The following ANKRD18A variants were observed in gnomAD, a reference collection of about 807,000 sequenced individuals.
The protein encoded by ANKRD18A is ankyrin repeat domain-containing protein 18A.
In ANKRD18A, 72 loss-of-function variants were observed where a neutral mutation model predicts 110.6. The observed-to-expected ratio is 0.65, with a 90% CI of 0.54 to 0.79. The LOEUF (loss-of-function observed/expected upper bound fraction) is 0.79, where lower values mean the gene tolerates loss of function less well. ANKRD18A is among the 30% of genes least tolerant of loss of function. The pLI is 0.00. For synonymous variants in ANKRD18A, 305 were observed against 410.3 expected (o/e 0.74, Z 3.10); for missense variants, 934 against 1,163.3 (o/e 0.80, Z 2.87).
chr9:38,612,014 A>G (rs1825641763), intron 3 of ANKRD18A, among the ~76,000 whole-genome samples: 1 of 152,190 alleles, frequency 6.6e-6, no homozygotes, highest in South Asian at 2.1e-4. Context: ...GGGTGGCACA[A>G]ACTTGCTTGA....
chr9:38,595,795 C>T lies in ANKRD18A; in HGVS notation c.1545G>A (p.Gln515=), dbSNP rs766268966. 5.8e-6 allele frequency: 9 copies of T among 1,551,082 alleles called. No individual in the cohort carries two copies. The Middle Eastern group carries it at 1.0e-3, about 173-fold the overall frequency. Residue 515 remains glutamine, a synonymous_variant, in exon 9 of 16, where the codon CAG becomes CAA. Coordinates refer to ENST00000399703, the MANE Select transcript of ANKRD18A (RefSeq NM_147195.4). The part of the protein sequence containing the change: ...GSVQLDLRQA[Q]HRIKEMKQMH... ...TCTGCTTCATTTCCTTTATTCGATG[C>T]TGTGCTTGCCTTAGGTCCAGCTGTA...
At chr9:38,609,437 C>T (rs146622699) in intron 5 of ANKRD18A, among the ~76,000 whole-genome samples, 2 of 151,960 alleles carry the variant, frequency 1.3e-5, no homozygotes, top group Admixed American at 6.5e-5. Context: ...GCCAAGATTG[C>T]GCCACTGCAC....
At chr9:38,569,691 T>G (rs1404991212), downstream of ANKRD18A, among the ~76,000 whole-genome samples, 1 of 152,118 alleles carries the variant, frequency 6.6e-6, no homozygotes, top group Non-Finnish European at 1.5e-5. Context: ...TTGTTTGTCT[T>G]GCTTCTCTGG....
chr9:38,590,400 G>T (rs935811501), intron 10 of ANKRD18A, among the ~76,000 whole-genome samples: 19 of 151,896 alleles, frequency 1.3e-4, no homozygotes, highest in African/African-American at 3.9e-4. Flanking sequence ...TGGGGCTACA[G>T]TTGCACACCA....
chr9:38,589,960 C>T (rs2066768136), intron 10 of ANKRD18A, among the ~76,000 whole-genome samples: 1 of 152,184 alleles, frequency 6.6e-6, no homozygotes, highest in Non-Finnish European at 1.5e-5. Flanking sequence ...ATATTATAGA[C>T]AATATTCTCA....
intron 15 of ANKRD18A, chr9:38,573,257 A>C (rs1024653931): frequency 4.0e-5 from 18 of 444,908 alleles, no homozygotes; most frequent in African/African-American, 3.4e-4. Flanking sequence ...AGTTTGCTTA[A>C]ATAGAAAATT....
intron 6 of ANKRD18A, among the ~76,000 whole-genome samples, chr9:38,603,644 AAAAG>A (rs1231211858): frequency 5.3e-5 from 8 of 151,996 alleles, no homozygotes; most frequent in Non-Finnish European, 7.4e-5. Flanking sequence ...TCGTTCTTGA[AAAAG>A]AGAGAGAGAG....
rs944413340 is a variant in ANKRD18A, at chr9:38,614,232, T to G, written c.495+1362A>C. ...TCGAACACTGAGGTTTTTTTTTTTT[T>G]TTTTTTTTTTTGCTCTTGTTGTGGT... On this transcript the variant is annotated intron_variant, in intron 3 of 15. Transcript: ENST00000399703. Among the ~76,000 whole-genome samples, 12 of 145,942 alleles carry G rather than the reference T, an allele frequency of 8.2e-5. No individual in the cohort carries two copies. In the East Asian group the frequency reaches 2.2e-3, roughly 26 times the overall value.
At chr9:38,614,686 T>C (rs1339460491) in intron 3 of ANKRD18A, among the ~76,000 whole-genome samples, 2 of 152,152 alleles carry the variant, frequency 1.3e-5, no homozygotes, top group Admixed American at 6.5e-5. Flanking sequence ...GATAGAGTTA[T>C]GTATTAAAAT....
At chr9:38,613,106 G>A (rs1157385693) in intron 3 of ANKRD18A, among the ~76,000 whole-genome samples, 1 of 152,036 alleles carries the variant, frequency 6.6e-6, no homozygotes, top group Admixed American at 6.6e-5. Flanking sequence ...TAAAAAAGGA[G>A]TTAAAGCTCA....
chr9:38,611,033 T>C (rs540332410), intron 4 of ANKRD18A, among the ~76,000 whole-genome samples, 182 bp downstream of exon 4: 36 of 152,332 alleles, frequency 2.4e-4, no homozygotes, highest in African/African-American at 8.2e-4. Context: ...TACTATATAC[T>C]GTTTTTTGTG....
chr9:38,589,998 G>A (rs546323875), intron 10 of ANKRD18A, among the ~76,000 whole-genome samples: 93 of 152,194 alleles, frequency 6.1e-4, no homozygotes, highest in African/African-American at 2.2e-3. Context: ...TTGCTACCTG[G>A]TGCAGATTAC....
chr9:38,596,871 T>G (rs1824905294), intron 8 of ANKRD18A, among the ~76,000 whole-genome samples: 1 of 152,218 alleles, frequency 6.6e-6, no homozygotes, highest in African/African-American at 2.4e-5. Context: ...GATCATATTC[T>G]ATTGTGATTT....
downstream of ANKRD18A, chr9:38,569,274 A>G (rs1823553505): frequency 1.1e-6 from 1 of 952,062 alleles, no homozygotes; most frequent in African/African-American, 1.8e-5. Context: ...GATGACTGTC[A>G]GCACAGAACA....
chr9:38,616,186 A>G (rs1363862753), intron 1 of ANKRD18A, 142 bp from the exon 2 acceptor site: 5 of 614,974 alleles, frequency 8.1e-6, no homozygotes, highest in East Asian at 5.8e-5. Flanking sequence ...TACAATATTT[A>G]TTAGCTCTTA....
At chr9:38,599,346 G>GCACTCCCTTTAAGTTTGTCCCTCT (rs1231284891) in intron 8 of ANKRD18A, among the ~76,000 whole-genome samples, 1 of 152,162 alleles carries the variant, frequency 6.6e-6, no homozygotes, top group African/African-American at 2.4e-5. Flanking sequence ...AGATTACGGG[G>GCACTCCCTTTAAGTTTGTCCCTCT]CACTCCCTTT....
At chr9:38,586,017 G>A (rs866857430) in intron 12 of ANKRD18A, among the ~76,000 whole-genome samples, 166 bp downstream of exon 12, 6 of 152,234 alleles carry the variant, frequency 3.9e-5, no homozygotes, top group African/African-American at 1.4e-4. Context: ...GGGTCAGGAG[G>A]GAGAGCATCA....
At chr9:38,613,460 T>C (rs1209514918) in intron 3 of ANKRD18A, among the ~76,000 whole-genome samples, 2 of 151,988 alleles carry the variant, frequency 1.3e-5, no homozygotes, top group Non-Finnish European at 2.9e-5. Flanking sequence ...CTCTGTCTAG[T>C]ATCGTATGTT....
In ANKRD18A at chr9:38,595,700, C is replaced by T. The variant is rs1164603784; in HGVS notation, c.1640G>A (p.Arg547His). Residue 547 changes from arginine (R) to histidine (H), a missense_variant, in exon 9 of 16, where the codon CGT becomes CAT. Around this residue, in one of 4 missense-constraint regions of ANKRD18A, gnomAD observed 630 missense variants for 797.5 expected, o/e 0.79. Transcript: ENST00000399703. ...GKQNSLEERI[R>H]QQELENLLLE... ...CAAGAGATTTTCAAGTTCTTGTTGACGTATTCTCTCCTCTAAAGAGTTCTG... is the reference window on the plus strand; with the variant it reads ...CAAGAGATTTTCAAGTTCTTGTTGATGTATTCTCTCCTCTAAAGAGTTCTG... 5 of 1,551,298 alleles carry T rather than the reference C, an allele frequency of 3.2e-6. No individual in the cohort carries two copies. The highest frequency in any genetic ancestry group is 4.9e-5 in the East Asian group (2 of 40,904).
Sources: allele counts gnomAD v4.1 joint callset (sites outside exome capture counted in the v4.1 genomes callset), GRCh38; gene constraint gnomAD v4.1.1; regional missense constraint gnomAD v4.1.1; transcripts MANE v1.5; gene names NCBI Gene and HGNC (gene_info 2026-07-23, HGNC 2026-07-21).